The following DNAJC2 variants were observed in gnomAD, a reference collection of about 807,000 sequenced individuals.
DNAJC2 encodes DnaJ heat shock protein family (Hsp40) member C2.
A neutral mutation model predicts 94.0 loss-of-function variants in DNAJC2; 32 were observed. The ratio of observed to expected loss-of-function variants is 0.34; its 90% CI spans 0.26 to 0.46. DNAJC2 has a LOEUF of 0.46. Among genes scored for constraint, DNAJC2 ranks in the 20% least tolerant of loss-of-function variants. DNAJC2 has a pLI of 1.00. For missense variants in DNAJC2, 550 were observed against 719.5 expected, an observed-to-expected ratio of 0.76 and a Z score of 2.69; for synonymous variants, 210 against 229.7, an observed-to-expected ratio of 0.91 and a Z score of 0.77.
intron 5 of DNAJC2, among the ~76,000 whole-genome samples, chr7:103,325,942 C>A (rs939798943): frequency 1.3e-5 from 2 of 152,130 alleles, no homozygotes; most frequent in Non-Finnish European, 2.9e-5. Flanking sequence ...ATTACTGTCA[C>A]CTAAGTGTAA....
chr7:103,326,460 T>G (rs1228930495), intron 5 of DNAJC2, 83 bp downstream of exon 5: 11 of 1,338,978 alleles, frequency 8.2e-6, no homozygotes, highest in Non-Finnish European at 1.2e-5. Context: ...GAAACTATTA[T>G]CAGAGGGAAA....
intron 1 of DNAJC2, among the ~76,000 whole-genome samples, chr7:103,342,689 A>ATTC (rs1819425395): frequency 2.0e-5 from 3 of 147,262 alleles, no homozygotes; most frequent in Non-Finnish European, 4.5e-5. Context: ...GCTCACTGAA[A>ATTC]GCTCCGCCTC....
At chr7:103,338,900 A>G (rs1395796683) in intron 2 of DNAJC2, among the ~76,000 whole-genome samples, 3 of 152,158 alleles carry the variant, frequency 2.0e-5, no homozygotes, top group Non-Finnish European at 4.4e-5. Flanking sequence ...ACAGAGTGAG[A>G]CTCCGTCTCA....
At chr7:103,316,630 A>G (rs1010502702) in intron 13 of DNAJC2, 200 bp downstream of exon 13, 2 of 554,502 alleles carry the variant, frequency 3.6e-6, no homozygotes, top group African/African-American at 1.9e-5. Flanking sequence ...GTATTCTGTC[A>G]TATGTATATG....
chr7:103,344,407 A>C (rs1044127674), intron 1 of DNAJC2, 152 bp downstream of exon 1: 2 of 777,412 alleles, frequency 2.6e-6, no homozygotes, highest in Non-Finnish European at 4.2e-6. Flanking sequence ...ATTACTTTAA[A>C]ACACGGAGCA....
chr7:103,324,656 C>A, intron 5 of DNAJC2, 94 bp from the exon 6 acceptor site: 1 of 1,099,752 alleles, frequency 9.1e-7, no homozygotes. Flanking sequence ...ATAATTTTTA[C>A]TAATTCCTCT....
In DNAJC2 at chr7:103,326,533, C is replaced by T. The variant is rs748835952; in HGVS notation, c.572+10G>A. On this transcript the variant is annotated intron_variant, in intron 5 of 16. Coordinates refer to ENST00000379263, the MANE Select transcript of DNAJC2 (RefSeq NM_014377.3). ...AGGGCACTATGATCAAAAGGGATGC[C>T]TTAACTTACCTGGAATTCCTTTCAA... 1 of 1,613,808 alleles carries T rather than the reference C, an allele frequency of 6.2e-7. No individual in the cohort carries two copies. Among genetic ancestry groups the T allele is most frequent in the Non-Finnish European group, 8.5e-7 (1 of 1,179,906 alleles).
At chr7:103,321,335 A>C (rs998262745) in intron 10 of DNAJC2, among the ~76,000 whole-genome samples, 6 of 151,936 alleles carry the variant, frequency 3.9e-5, no homozygotes, top group African/African-American at 1.2e-4. Context: ...TGGCCAACAC[A>C]GTGAAACTCT....
chr7:103,323,668 T>C lies in DNAJC2; in HGVS notation c.654-5A>G. 2.1e-6 allele frequency: 3 copies of C among 1,407,016 alleles called. No homozygotes were observed. Among genetic ancestry groups the C allele is most frequent in the Non-Finnish European group, 2.9e-6 (3 of 1,038,834 alleles). The allele number at this position is 1,407,016 out of a possible 1,614,324, so 87.2% of individuals were successfully genotyped here. A position where few individuals can be genotyped will look rare whatever the true frequency, so the allele number is the denominator to read the frequency against. Reference sequence around the variant, plus strand: ...CTCCAAGAATCAAAATTATACCTAATATAGACAGAAATAATACATGATCAA... The same window carrying C: ...CTCCAAGAATCAAAATTATACCTAACATAGACAGAAATAATACATGATCAA... On this transcript the variant is annotated splice_polypyrimidine_tract_variant and splice_region_variant and intron_variant, in intron 6 of 16. Transcript: ENST00000379263.
chr7:103,338,242 G>C (rs1358095214), intron 2 of DNAJC2, among the ~76,000 whole-genome samples: 3 of 150,388 alleles, frequency 2.0e-5, no homozygotes, highest in Admixed American at 6.6e-5. Flanking sequence ...TGCACTCCAG[G>C]ATAGGCGACA....
intron 15 of DNAJC2, 31 bp from the exon 16 acceptor site, chr7:103,313,132 G>T: frequency 6.3e-7 from 1 of 1,584,842 alleles, no homozygotes; most frequent in Non-Finnish European, 8.6e-7. Flanking sequence ...TTTGAAAACT[G>T]TCTTTGAACA....
At position 103,344,677 on chromosome 7, in the gene DNAJC2, CGCTTAGGG is replaced by C; in HGVS notation, c.-63_-56del. The stretch of plus-strand genomic sequence containing the variant: ...AGCGGCTCACGTCCCGGGCGGAGGG[CGCTTAGGG>C]TCCCCTCCAGCTCTACCTCTCACTC... On this transcript the variant is annotated 5_prime_UTR_variant, in exon 1 of 17. Coordinates refer to ENST00000379263, the MANE Select transcript of DNAJC2 (RefSeq NM_014377.3). 6.4e-7 allele frequency: 1 copy of C among 1,573,204 alleles called. No homozygotes were observed. Among genetic ancestry groups the C allele is most frequent in the Non-Finnish European group, 8.6e-7 (1 of 1,156,610 alleles).
chr7:103,316,784 C>G lies in DNAJC2; in HGVS notation c.1427+46G>C, dbSNP rs192494564. On this transcript the variant is annotated intron_variant, in intron 13 of 16. Transcript: ENST00000379263. ...TATTTGGAGTCTGTCTACATTATCT[C>G]CAGGCTCCAGTGTGAGTTGAAGAAA... 2.9e-5 allele frequency: 43 copies of G among 1,490,564 alleles called. 1 individual carries two copies. In the East Asian group the frequency reaches 6.8e-4, roughly 23 times the overall value. 92.3% of individuals were successfully genotyped at this position (1,490,564 alleles called of 1,614,324 possible). A position where few individuals can be genotyped will look rare whatever the true frequency, so the allele number is the denominator to read the frequency against.
At chr7:103,343,973 G>A (rs1459785627) in intron 1 of DNAJC2, among the ~76,000 whole-genome samples, 1 of 152,208 alleles carries the variant, frequency 6.6e-6, no homozygotes, top group African/African-American at 2.4e-5. Flanking sequence ...CAATACTCAT[G>A]ACTGTCCTGG....
intron 4 of DNAJC2, chr7:103,327,423 G>C: frequency 1.1e-6 from 1 of 877,762 alleles, no homozygotes; most frequent in Non-Finnish European, 1.7e-6. Context: ...GGCAGGGCCT[G>C]AGACTGCATT....
At chr7:103,315,461 C>G (rs1817997015) in intron 15 of DNAJC2, among the ~76,000 whole-genome samples, 1 of 152,098 alleles carries the variant, frequency 6.6e-6, no homozygotes, top group Non-Finnish European at 1.5e-5. Flanking sequence ...CAAAATCAAG[C>G]AATTATCCCG....
intron 7 of DNAJC2, among the ~76,000 whole-genome samples, chr7:103,323,069 A>C (rs962733526): frequency 3.9e-5 from 6 of 152,008 alleles, no homozygotes; most frequent in African/African-American, 1.5e-4. Flanking sequence ...AGCTGGAATT[A>C]CAGGTGCCTG....
In DNAJC2 at chr7:103,341,904, C is replaced by G. The variant is rs765580389; in HGVS notation, c.115G>C (p.Val39Leu). 3.1e-6 allele frequency: 5 copies of G among 1,612,098 alleles called. No individual in the cohort carries two copies. Among genetic ancestry groups the G allele is most frequent in the Non-Finnish European group, 4.2e-6 (5 of 1,179,364 alleles). The change falls in exon 2 of 17, where the codon GTT becomes CTT. Residue 39 changes from valine to leucine, a missense_variant. By Grantham distance (32) the Val-to-Leu change is conservative. Coordinates refer to ENST00000379263, the MANE Select transcript of DNAJC2 (RefSeq NM_014377.3). Reference protein sequence around the residue: ...EPVGRWFEAFVKRRNRNASAS... With the variant: ...EPVGRWFEAFLKRRNRNASAS... ...GAAGCATTTCTGTTTCTCCTCTTAACAAAAGCTTCAAACCATCTTCCCACA... is the reference window on the plus strand; with the variant it reads ...GAAGCATTTCTGTTTCTCCTCTTAAGAAAAGCTTCAAACCATCTTCCCACA...
In DNAJC2 at chr7:103,312,492, A is replaced by G. The variant is rs944345580; in HGVS notation, c.*77T>C. The G allele has an allele frequency of 4.5e-6, 7 of 1,571,628 alleles. No individual in the cohort carries two copies. In the African/African-American group the frequency reaches 8.2e-5, roughly 18 times the overall value. On this transcript the variant is annotated 3_prime_UTR_variant, in exon 17 of 17. Coordinates refer to ENST00000379263, the MANE Select transcript of DNAJC2 (RefSeq NM_014377.3). ...AGCAGCATACTTTCAAATTATTACC[A>G]TGAGTATAATTTTAAGAATGAAAAT... is the stretch of plus-strand genomic sequence containing the variant.
Sources: gnomAD v4.1 joint callset for allele counts (sites outside exome capture counted in the v4.1 genomes callset) on GRCh38, gnomAD v4.1.1 for gene constraint, MANE v1.5 for transcripts, NCBI Gene and HGNC (gene_info 2026-07-23, HGNC 2026-07-21) for gene names.